ZSCAN25: variants seen among roughly 807,000 people sequenced by gnomAD.
ZSCAN25 encodes the protein zinc finger and SCAN domain-containing protein 25.
In ZSCAN25, 27 loss-of-function variants were observed where a neutral mutation model predicts 38.7. The observed-to-expected ratio is 0.70, with a 90% CI of 0.51 to 0.96. The LOEUF (loss-of-function observed/expected upper bound fraction) is 0.96, where lower values mean the gene tolerates loss of function less well. Among genes scored for constraint, ZSCAN25 ranks in the 40% least tolerant of loss-of-function variants. The pLI is 0.00. For synonymous variants in ZSCAN25, 273 were observed against 277.7 expected, an observed-to-expected ratio of 0.98 and a Z score of 0.17; for missense variants, 637 against 705.9, an observed-to-expected ratio of 0.90 and a Z score of 1.11.
the ZSCAN25 span, among the ~76,000 whole-genome samples, chr7:99,712,134 G>T: frequency 1.3e-5 from 2 of 152,138 alleles, no homozygotes; most frequent in Admixed American, 1.3e-4. Context: ...TGGTCTGTTT[G>T]ATCAGGACTG....
chr7:99,717,203 C>T, the ZSCAN25 span: 3 of 1,613,822 alleles, frequency 1.9e-6, no homozygotes, highest in Admixed American at 5.0e-5. Flanking sequence ...GCTTGCCTGT[C>T]TCTGCTTCCC....
At chr7:99,703,383 A>T in the ZSCAN25 span, among the ~76,000 whole-genome samples, 1 of 152,230 alleles carries the variant, frequency 6.6e-6, no homozygotes, top group South Asian at 2.1e-4. Context: ...TCATAAGCCA[A>T]GACTTGGGCG....
the ZSCAN25 span, among the ~76,000 whole-genome samples, chr7:99,674,781 G>A: frequency 1.3e-5 from 2 of 152,176 alleles, no homozygotes; most frequent in African/African-American, 4.8e-5. Flanking sequence ...GGAATTTAAA[G>A]TCACTCTTGA....
chr7:99,652,421 A>G, the ZSCAN25 span: 1 of 639,902 alleles, frequency 1.6e-6, no homozygotes, highest in East Asian at 2.8e-5. Context: ...GATAATTATC[A>G]CTTTTTTGTG....
At chr7:99,674,305 G>T in the ZSCAN25 span, 3 of 406,034 alleles carry the variant, frequency 7.4e-6, no homozygotes, top group Non-Finnish European at 1.3e-5. Context: ...GAGCATCTTT[G>T]TCTTGTTTAC....
chr7:99,734,015 C>T, the ZSCAN25 span, among the ~76,000 whole-genome samples: 7 of 152,160 alleles, frequency 4.6e-5, no homozygotes, highest in Non-Finnish European at 1.0e-4. Context: ...GTCACAAATA[C>T]TGAACTAATA....
downstream of ZSCAN25, among the ~76,000 whole-genome samples, chr7:99,637,354 G>A (rs1479279553): frequency 3.9e-5 from 6 of 152,120 alleles, no homozygotes; most frequent in Middle Eastern, 6.8e-3. Flanking sequence ...TATGTGTGGT[G>A]TACCCCATTA....
At chr7:99,666,887 T>C in the ZSCAN25 span, 415 of 1,602,158 alleles carry the variant, frequency 2.6e-4, 1 homozygote, top group Non-Finnish European at 3.4e-4. Flanking sequence ...ACTGTGATCT[T>C]ACTTTCTACC....
At chr7:99,657,969 A>G in the ZSCAN25 span, among the ~76,000 whole-genome samples, 4 of 152,050 alleles carry the variant, frequency 2.6e-5, no homozygotes, top group South Asian at 4.1e-4. Context: ...TTTTGAGCCT[A>G]TGTGTTACTT....
Position 99,632,227 on chromosome 7 carries a change from G to GT in ZSCAN25, c.*2212dup, listed in dbSNP as rs921426233. 1 of 985,210 alleles carries GT rather than the reference G, an allele frequency of 1.0e-6. No homozygotes were observed. 61.0% of individuals were successfully genotyped at this position (985,210 alleles called of 1,614,324 possible). Reference sequence around the variant, plus strand: ...TCTCAGAAAAGCCTCTAAGTAGGGGGTTTTTCCCATGGGATTGTGGTAGTC... The same window carrying GT: ...TCTCAGAAAAGCCTCTAAGTAGGGGGTTTTTTCCCATGGGATTGTGGTAGTC... On this transcript the variant is annotated 3_prime_UTR_variant, in exon 8 of 8. Coordinates refer to ENST00000394152, the MANE Select transcript of ZSCAN25 (RefSeq NM_145115.3).
chr7:99,641,854 A>C, the ZSCAN25 span, among the ~76,000 whole-genome samples: 2 of 152,304 alleles, frequency 1.3e-5, no homozygotes, highest in African/African-American at 2.4e-5. Flanking sequence ...AGACTTTGTC[A>C]GCTGTCTCCC....
At chr7:99,722,352 G>A in the ZSCAN25 span, 1 of 1,613,196 alleles carries the variant, frequency 6.2e-7, no homozygotes, top group African/African-American at 1.3e-5. Flanking sequence ...AATAGCCCTG[G>A]GAGGAGAAAC....
the ZSCAN25 span, among the ~76,000 whole-genome samples, chr7:99,639,913 A>G: frequency 2.6e-5 from 4 of 152,012 alleles, no homozygotes; most frequent in Admixed American, 6.6e-5. Flanking sequence ...CAAAAAGTTG[A>G]AAAATTAGCT....
chr7:99,648,315 C>G, the ZSCAN25 span: 1 of 1,612,874 alleles, frequency 6.2e-7, no homozygotes. Context: ...TCATTCTCCA[C>G]TTAGGGTTCC....
At chr7:99,621,924 CT>C (rs774306775) in intron 5 of ZSCAN25, 4 of 172,914 alleles carry the variant, frequency 2.3e-5, no homozygotes, top group African/African-American at 4.7e-5. Flanking sequence ...AGCTTTCTTT[CT>C]TTCTTTCTTT....
the ZSCAN25 span, among the ~76,000 whole-genome samples, chr7:99,724,686 G>A: frequency 4.7e-4 from 72 of 151,916 alleles, no homozygotes; most frequent in Admixed American, 6.6e-4. Context: ...GTTTCATTCC[G>A]AGACTAGCCC....
chr7:99,671,511 T>C, the ZSCAN25 span: 1 of 301,390 alleles, frequency 3.3e-6, no homozygotes, highest in African/African-American at 2.2e-5. Flanking sequence ...TCCAAAATGG[T>C]GTTGGAACAT....
the ZSCAN25 span, among the ~76,000 whole-genome samples, chr7:99,726,971 G>A: frequency 6.6e-6 from 1 of 152,166 alleles, no homozygotes; most frequent in African/African-American, 2.4e-5. Flanking sequence ...TCCTGGGCAT[G>A]GTTGGATACT....
chr7:99,624,495 A>G (rs1807288567), intron 7 of ZSCAN25: 1 of 333,716 alleles, frequency 3.0e-6, no homozygotes, highest in South Asian at 4.2e-5. Flanking sequence ...GAACAGCAAA[A>G]GATGGGGCAT....
Sources: allele counts gnomAD v4.1 joint callset (sites outside exome capture counted in the v4.1 genomes callset), GRCh38; gene constraint gnomAD v4.1.1; transcripts MANE v1.5; gene names NCBI Gene and HGNC (gene_info 2026-07-23, HGNC 2026-07-21).